SEMA3A: variants seen among roughly 807,000 people sequenced by gnomAD.
SEMA3A encodes semaphorin-3A.
Under a neutral mutation model 97.9 loss-of-function variants are expected in SEMA3A, and 29 were observed. The observed-to-expected ratio is 0.30, with a 90% CI of 0.22 to 0.40. The LOEUF (loss-of-function observed/expected upper bound fraction) is 0.40, where lower values mean the gene tolerates loss of function less well. SEMA3A is among the 10% of genes least tolerant of loss of function. The pLI is 1.00. For missense variants in SEMA3A, 763 were observed against 951.3 expected, an observed-to-expected ratio of 0.80 and a Z score of 2.60; for synonymous variants, 321 against 323.7, an observed-to-expected ratio of 0.99 and a Z score of 0.09.
At chr7:84,003,035 T>C (rs3801597) in intron 11 of SEMA3A, among the ~76,000 whole-genome samples, 36,922 of 151,952 alleles carry the variant, frequency 0.24, 4,644 homozygotes, top group South Asian at 0.31. Context: ...TCTAGTTAGC[T>C]TCAACTGGTT....
chr7:84,452,874 G>T (rs2116368737), intron 1 of SEMA3A, among the ~76,000 whole-genome samples: 1 of 152,194 alleles, frequency 6.6e-6, no homozygotes, highest in Admixed American at 6.5e-5. Flanking sequence ...TGGGTCACTT[G>T]TTACTCTGTG....
intron 1 of SEMA3A, among the ~76,000 whole-genome samples, chr7:84,439,428 A>G (rs1021676691): frequency 6.6e-6 from 1 of 152,216 alleles, no homozygotes; most frequent in Non-Finnish European, 1.5e-5. Flanking sequence ...GTGTTATTTT[A>G]GATTACTGAC....
At chr7:84,022,244 A>G (rs1176000862) in intron 6 of SEMA3A, among the ~76,000 whole-genome samples, 1 of 152,164 alleles carries the variant, frequency 6.6e-6, no homozygotes, top group Non-Finnish European at 1.5e-5. Context: ...GTTTACCAAT[A>G]TCTATTCAGA....
chr7:84,490,115 A>G (rs1311466251), intron 1 of SEMA3A, among the ~76,000 whole-genome samples: 2 of 150,812 alleles, frequency 1.3e-5, no homozygotes, highest in Non-Finnish European at 3.0e-5. Context: ...TTAATTTTAT[A>G]GGATATTTAT....
intron 1 of SEMA3A, among the ~76,000 whole-genome samples, chr7:84,413,122 T>C (rs2116255640): frequency 6.6e-6 from 1 of 152,300 alleles, no homozygotes; most frequent in East Asian, 1.9e-4. Flanking sequence ...ATACATTTCT[T>C]TCTTCATCTA....
chr7:84,075,810 A>C (rs991986327), intron 4 of SEMA3A, among the ~76,000 whole-genome samples: 1 of 152,112 alleles, frequency 6.6e-6, no homozygotes, highest in Admixed American at 6.6e-5. Flanking sequence ...TGTAGCAGAA[A>C]TCTTACCTTT....
At chr7:84,235,028 C>T (rs1562864941) in intron 3 of SEMA3A, among the ~76,000 whole-genome samples, 1 of 152,024 alleles carries the variant, frequency 6.6e-6, no homozygotes, top group Non-Finnish European at 1.5e-5. Flanking sequence ...GTCTAGAGCG[C>T]AACTTCATGG....
chr7:84,428,208 A>T (rs1584318234), intron 1 of SEMA3A, among the ~76,000 whole-genome samples: 1 of 152,178 alleles, frequency 6.6e-6, no homozygotes, highest in East Asian at 1.9e-4. Flanking sequence ...AAAGCAACTT[A>T]TTTTGCATGG....
At chr7:84,430,923 T>G (rs1279112746) in intron 1 of SEMA3A, among the ~76,000 whole-genome samples, 2 of 151,942 alleles carry the variant, frequency 1.3e-5, no homozygotes, top group African/African-American at 4.8e-5. Flanking sequence ...ATATTTTATT[T>G]TTTAGAGCAC....
intron 2 of SEMA3A, among the ~76,000 whole-genome samples, chr7:84,370,674 A>G (rs1415982728): frequency 6.6e-6 from 1 of 151,684 alleles, no homozygotes; most frequent in Non-Finnish European, 1.5e-5. Flanking sequence ...TATTTTGTTT[A>G]GACCTCAAAT....
rs186301977 is a variant in SEMA3A, at chr7:84,137,555, C to A, written c.113-2604G>T. Reference sequence around the variant, plus strand: ...AACGGGCTGCTGCCAGAGGCACGGGCTGTATCACTGGATATGTTCAGGCCC... The same window carrying A: ...AACGGGCTGCTGCCAGAGGCACGGGATGTATCACTGGATATGTTCAGGCCC... On this transcript the variant is annotated intron_variant, in intron 1 of 16. Coordinates refer to ENST00000265362, the MANE Select transcript of SEMA3A (RefSeq NM_006080.3). Among the ~76,000 whole-genome samples, 409 of 151,992 alleles carry A rather than the reference C, an allele frequency of 2.7e-3. 3 individuals are homozygous for A. Among genetic ancestry groups the A allele is most frequent in the Non-Finnish European group, 4.9e-3 (336 of 67,950 alleles).
intron 11 of SEMA3A, among the ~76,000 whole-genome samples, chr7:84,004,173 G>A (rs1219643622): frequency 6.6e-6 from 1 of 151,974 alleles, no homozygotes; most frequent in Non-Finnish European, 1.5e-5. Context: ...ATGGAGACTA[G>A]AAATTTATTA....
intron 5 of SEMA3A, among the ~76,000 whole-genome samples, chr7:84,051,228 T>C (rs937037533): frequency 1.4e-3 from 209 of 151,684 alleles, no homozygotes; most frequent in Non-Finnish European, 2.3e-3. Flanking sequence ...TTAAAGTAGT[T>C]TTTTCCAATT....
chr7:84,111,688 C>T (rs1452644781), intron 3 of SEMA3A, among the ~76,000 whole-genome samples: 2 of 152,064 alleles, frequency 1.3e-5, no homozygotes, highest in African/African-American at 4.8e-5. Context: ...TCATGCTTTC[C>T]TAACATATGC....
chr7:84,002,047 C>CTT lies in SEMA3A; in HGVS notation c.1361-3_1361-2dup. ...ACTACTTTAAGAACGGTCCCAACAT[C>CTT]TTTGAAAGAAAGTGGGGAGAAGACC... is the stretch of plus-strand genomic sequence containing the variant. On this transcript the variant is annotated splice_acceptor_variant, in intron 11 of 16. Coordinates refer to ENST00000265362, the MANE Select transcript of SEMA3A (RefSeq NM_006080.3). LOFTEE classifies it high-confidence loss of function. 1 of 1,590,406 alleles carries CTT rather than the reference C, an allele frequency of 6.3e-7. No homozygotes were observed. Among genetic ancestry groups the CTT allele is most frequent in the Admixed American group, 1.7e-5 (1 of 58,862 alleles).
chr7:84,071,471 G>GT (rs1427299916), intron 4 of SEMA3A, among the ~76,000 whole-genome samples: 3 of 152,068 alleles, frequency 2.0e-5, no homozygotes, highest in Non-Finnish European at 4.4e-5. Context: ...ATGCGAAGTG[G>GT]TGTTTAATGG....
At chr7:84,050,108 C>G (rs1410282155) in intron 5 of SEMA3A, among the ~76,000 whole-genome samples, 1 of 151,406 alleles carries the variant, frequency 6.6e-6, no homozygotes, top group African/African-American at 2.4e-5. Flanking sequence ...TTAATCCAGT[C>G]TATCATTGTT....
rs796715715 is a variant in SEMA3A, at chr7:84,457,122, TA to T, written c.-246+35337del. Reference sequence around the variant, plus strand: ...TTCCCAATGACATAACTGGTACCATTAAAAAAAAATCTGGTAAGATTGTTGC... The same window carrying T: ...TTCCCAATGACATAACTGGTACCATTAAAAAAAATCTGGTAAGATTGTTGC... On this transcript the variant is annotated intron_variant, in intron 1 of 3. Coordinates refer to the SEMA3A transcript ENST00000424555. Among the ~76,000 whole-genome samples the T allele has an allele frequency of 8.1e-4, 122 of 150,776 alleles. 1 individual carries two copies. The highest frequency in any genetic ancestry group is 2.8e-3 in the African/African-American group (115 of 41,266).
At chr7:84,230,820 CTCTT>C (rs970030082) in intron 3 of SEMA3A, among the ~76,000 whole-genome samples, 10 of 151,996 alleles carry the variant, frequency 6.6e-5, no homozygotes, top group Admixed American at 5.3e-4. Context: ...TTAATGCCTT[CTCTT>C]TCTTTGTCAT....
Sources: allele counts gnomAD v4.1 joint callset (sites outside exome capture counted in the v4.1 genomes callset), GRCh38; gene constraint gnomAD v4.1.1; transcripts MANE v1.5; gene names NCBI Gene and HGNC (gene_info 2026-07-23, HGNC 2026-07-21).